Variants in USP43 observed in about 807,000 individuals in gnomAD.
USP43 encodes the protein ubiquitin specific peptidase 43.
Under a neutral mutation model 90.7 loss-of-function variants are expected in USP43, and 33 were observed. The ratio of observed to expected loss-of-function variants is 0.36; its 90% CI spans 0.28 to 0.49. The LOEUF (loss-of-function observed/expected upper bound fraction) is 0.49. USP43 is among the 20% of genes least tolerant of loss of function. The pLI, the probability that USP43 is intolerant of heterozygous loss-of-function variation, is 0.98. For synonymous variants in USP43, 598 were observed against 615.8 expected (o/e 0.97, Z 0.43); for missense variants, 1,274 against 1,476.4 (o/e 0.86, Z 2.25).
intron 14 of USP43, among the ~76,000 whole-genome samples, chr17:9,717,360 A>AGTGT (rs56058514): frequency 0.022 from 3,143 of 145,628 alleles, 93 homozygotes; most frequent in African/African-American, 0.071. Context: ...GCTTGGGCAC[A>AGTGT]GTGTGTGTGT....
intron 8 of USP43, among the ~76,000 whole-genome samples, chr17:9,688,384 C>T (rs1914726723): frequency 6.8e-6 from 1 of 147,326 alleles, no homozygotes; most frequent in South Asian, 2.2e-4. Flanking sequence ...TGGAGTCTCG[C>T]TCTGTCACCA....
chr17:9,705,661 A>C (rs2151991543), intron 12 of USP43, among the ~76,000 whole-genome samples: 1 of 151,344 alleles, frequency 6.6e-6, no homozygotes, highest in African/African-American at 2.4e-5. Flanking sequence ...GGGCTGAGGC[A>C]GGAGAACTGC....
At chr17:9,648,020 C>CA (rs1318857725) in intron 1 of USP43, among the ~76,000 whole-genome samples, 1 of 152,098 alleles carries the variant, frequency 6.6e-6, no homozygotes, top group Non-Finnish European at 1.5e-5. Flanking sequence ...GACTCCGTCT[C>CA]AAAAAAGCAA....
Position 9,693,192 on chromosome 17 carries a change from G to A in USP43, c.1419G>A (p.Pro473=), listed in dbSNP as rs1915063965. The A allele has an allele frequency of 1.9e-6, 3 of 1,613,552 alleles. No individual in the cohort carries two copies. The highest frequency in any genetic ancestry group is 1.1e-5 in the South Asian group (1 of 90,878). ...CTGTGGCCTGCAGCTATTTGTCTCC[G>A]AAGGACAGTCGGCCCCTCTGTCACT... ...GLSVACSYLS[P]KDSRPLCHWA... is the part of the protein sequence containing the mutation. The change falls in exon 9 of 15, where the codon CCG becomes CCA. Residue 473 remains proline, a synonymous_variant. Coordinates refer to ENST00000285199, the MANE Select transcript of USP43 (RefSeq NM_153210.5).
At chr17:9,718,869 G>A (rs192039918) in intron 14 of USP43, among the ~76,000 whole-genome samples, 1 of 151,772 alleles carries the variant, frequency 6.6e-6, no homozygotes, top group Non-Finnish European at 1.5e-5. Context: ...AAAAGAATCC[G>A]TTTCTATGCA....
At chr17:9,683,870 G>C (rs901263645) in intron 7 of USP43, among the ~76,000 whole-genome samples, 7 of 152,178 alleles carry the variant, frequency 4.6e-5, no homozygotes, top group African/African-American at 1.7e-4. Context: ...GGTAACTAGA[G>C]AAAAGGAAGC....
chr17:9,673,242 C>T (rs1375984658), intron 3 of USP43, among the ~76,000 whole-genome samples: 1 of 152,198 alleles, frequency 6.6e-6, no homozygotes, highest in South Asian at 2.1e-4. Context: ...GGCAGTGGCT[C>T]ACGCCTGTAA....
At position 9,729,056 on chromosome 17, in the gene USP43, C is replaced by T. The variant is rs1042842168; in HGVS notation, c.*66C>T. On this transcript the variant is annotated 3_prime_UTR_variant, in exon 15 of 15. Coordinates refer to ENST00000285199, the MANE Select transcript of USP43 (RefSeq NM_153210.5). The stretch of plus-strand genomic sequence containing the variant: ...CTTTGCCAAGCAACTGTAGGCAGCT[C>T]ATGTTGAGAATGGGTTTCCAGGAAA... 6 of 1,400,608 alleles carry T rather than the reference C, an allele frequency of 4.3e-6. No individual in the cohort carries two copies. The highest frequency in any genetic ancestry group is 3.8e-6 in the Non-Finnish European group (4 of 1,066,448). 86.8% of individuals were successfully genotyped at this position (1,400,608 alleles called of 1,614,324 possible). A position where few individuals can be genotyped will look rare whatever the true frequency, so the allele number is the denominator to read the frequency against.
chr17:9,676,607 G>T, intron 4 of USP43, 139 bp from the exon 5 acceptor site: 1 of 1,061,582 alleles, frequency 9.4e-7, no homozygotes, highest in African/African-American at 1.6e-5. Context: ...CTTGACCGCA[G>T]GTGATCCACC....
At chr17:9,668,566 G>A (rs547868761) in intron 3 of USP43, among the ~76,000 whole-genome samples, 3 of 152,236 alleles carry the variant, frequency 2.0e-5, no homozygotes, top group East Asian at 1.9e-4. Flanking sequence ...GTTCTCTCAC[G>A]CTCTGCCTCA....
chr17:9,702,632 G>GAGAA (rs1567673779), intron 12 of USP43, among the ~76,000 whole-genome samples: 1 of 152,090 alleles, frequency 6.6e-6, no homozygotes, highest in African/African-American at 2.4e-5. Context: ...TTTTCAGAGA[G>GAGAA]TGTCATGAGG....
rs144792094 is a variant in USP43 at position 9,675,746 on chromosome 17, A to G, written c.833+763A>G. 8.4e-3 allele frequency among the ~76,000 whole-genome samples: 1,280 copies of G among 152,306 alleles called. 11 individuals are homozygous for G. The highest frequency in any genetic ancestry group is 0.02 in the Middle Eastern group (6 of 294). On this transcript the variant is annotated intron_variant, in intron 4 of 14. Transcript: ENST00000285199. ...ACTCAATCTCCCTTTCTGCTCTAAA[A>G]TTGTGTGCTGCTGATCTTCTGCACT...
intron 14 of USP43, among the ~76,000 whole-genome samples, chr17:9,720,737 C>T (rs933425354): frequency 6.6e-6 from 1 of 152,166 alleles, no homozygotes; most frequent in African/African-American, 2.4e-5. Context: ...ATCTGCCCAC[C>T]TCGGCCTCCC....
intron 14 of USP43, among the ~76,000 whole-genome samples, chr17:9,727,115 G>A (rs1269174747): frequency 2.0e-5 from 3 of 152,012 alleles, no homozygotes; most frequent in African/African-American, 7.2e-5. Context: ...TGGGATTATA[G>A]GCATGTGCCA....
intron 9 of USP43, among the ~76,000 whole-genome samples, chr17:9,696,859 T>A (rs919721521): frequency 5.1e-4 from 78 of 152,364 alleles, no homozygotes; most frequent in African/African-American, 1.7e-3. Context: ...CCTCTACTGG[T>A]GAGCCCTCCA....
At chr17:9,723,076 T>C (rs1374673466) in intron 14 of USP43, among the ~76,000 whole-genome samples, 8 of 151,940 alleles carry the variant, frequency 5.3e-5, no homozygotes, top group Admixed American at 1.3e-4. Flanking sequence ...CACTTGGGAG[T>C]GAATGGCAGC....
At chr17:9,684,546 C>G (rs1914486710) in intron 7 of USP43, among the ~76,000 whole-genome samples, 1 of 151,354 alleles carries the variant, frequency 6.6e-6, no homozygotes, top group African/African-American at 2.4e-5. Flanking sequence ...GGCGGATCAC[C>G]TGAGGTCAGG....
rs1325766551 is a variant in USP43, at chr17:9,674,664, T to C, written c.741-227T>C. On this transcript the variant is annotated intron_variant, in intron 3 of 14. Transcript: ENST00000285199. The surrounding 1 kb of genome is among the most constrained non-coding windows in gnomAD (Gnocchi z 4.4). Reference sequence around the variant, plus strand: ...GGACGTATCATATTCTGTTTACCCATTTGTCTGTTGATGGACGGTTGGGTT... The same window carrying C: ...GGACGTATCATATTCTGTTTACCCACTTGTCTGTTGATGGACGGTTGGGTT... Among the ~76,000 whole-genome samples the C allele has an allele frequency of 6.6e-6, 1 of 152,212 alleles. No homozygotes were observed. The highest frequency in any genetic ancestry group is 1.5e-5 in the Non-Finnish European group (1 of 68,042).
intron 2 of USP43, among the ~76,000 whole-genome samples, chr17:9,661,942 G>A (rs1461306892): frequency 6.6e-6 from 1 of 152,114 alleles, no homozygotes. Flanking sequence ...AGGGAACTTA[G>A]GAGAAGGCCA....
Sources: gnomAD v4.1 joint callset for allele counts (sites outside exome capture counted in the v4.1 genomes callset) on GRCh38, gnomAD v4.1.1 for gene constraint, Gnocchi (gnomAD v3.1) non-coding constraint, MANE v1.5 for transcripts, NCBI Gene and HGNC (gene_info 2026-07-23, HGNC 2026-07-21) for gene names.